Variants in EPHA6 observed in about 807,000 individuals in gnomAD.
The protein encoded by EPHA6 is EPH receptor A6.
A neutral mutation model predicts 112.0 loss-of-function variants in EPHA6; 50 were observed. The observed-to-expected ratio is 0.45, with a 90% CI of 0.36 to 0.56. The LOEUF (loss-of-function observed/expected upper bound fraction) is 0.56, where lower values mean the gene tolerates loss of function less well. EPHA6 is among the 20% of genes least tolerant of loss of function. EPHA6 has a pLI of 0.00. For synonymous variants in EPHA6, 529 were observed against 490.7 expected, an observed-to-expected ratio of 1.08 and a Z score of -1.03; for missense variants, 1,280 against 1,417.4, an observed-to-expected ratio of 0.90 and a Z score of 1.56.
intron 4 of EPHA6, among the ~76,000 whole-genome samples, chr3:97,243,389 C>T (rs1445409217): frequency 3.3e-5 from 5 of 151,870 alleles, no homozygotes; most frequent in South Asian, 4.1e-4. Context: ...ATTTTCATTT[C>T]GTTTTTCCTT....
intron 2 of EPHA6, among the ~76,000 whole-genome samples, chr3:96,867,306 T>C (rs1576184814): frequency 6.6e-6 from 1 of 151,914 alleles, no homozygotes; most frequent in South Asian, 2.1e-4. Flanking sequence ...TAATACAGAA[T>C]ACAAGTCTAC....
intron 6 of EPHA6, among the ~76,000 whole-genome samples, chr3:97,441,124 A>G (rs1447462836): frequency 2.6e-5 from 4 of 152,026 alleles, no homozygotes; most frequent in Non-Finnish European, 4.4e-5. Context: ...TTCTCTAAAT[A>G]TAGTATAACC....
intron 2 of EPHA6, among the ~76,000 whole-genome samples, chr3:96,877,019 T>A (rs1172392429): frequency 1.3e-5 from 2 of 152,114 alleles, no homozygotes; most frequent in Non-Finnish European, 2.9e-5. Flanking sequence ...GTCAGGTAGA[T>A]GGCATAGTAA....
intron 8 of EPHA6, among the ~76,000 whole-genome samples, chr3:97,478,730 T>A (rs1294645562): frequency 6.6e-6 from 1 of 152,110 alleles, no homozygotes; most frequent in Non-Finnish European, 1.5e-5. Context: ...ATTGAAAGAC[T>A]GAATTATGTA....
rs1470721106 is a variant in EPHA6, at chr3:97,226,258, T to G, written c.1115-6T>G. 3 of 1,590,966 alleles carry G rather than the reference T, an allele frequency of 1.9e-6. No homozygotes were observed. Among genetic ancestry groups the G allele is most frequent in the Admixed American group, 3.7e-5 (2 of 54,778 alleles). On this transcript the variant is annotated splice_region_variant and splice_polypyrimidine_tract_variant and intron_variant, in intron 3 of 17. Transcript: ENST00000389672. ...ACTAAAAAAGTGTTTTTTTCTCTTT[T>G]TACAGCTTGCAGACCAGGATTCTAT...
intron 5 of EPHA6, among the ~76,000 whole-genome samples, chr3:97,355,749 G>T (rs1381016188): frequency 1.3e-5 from 2 of 152,030 alleles, no homozygotes; most frequent in African/African-American, 4.8e-5. Flanking sequence ...TGAATGAATG[G>T]ATTAAAAATA....
At chr3:97,021,182 T>G (rs1200274376) in intron 3 of EPHA6, among the ~76,000 whole-genome samples, 1 of 152,222 alleles carries the variant, frequency 6.6e-6, no homozygotes, top group Non-Finnish European at 1.5e-5. Flanking sequence ...AGGTTAAACT[T>G]GGACTGTATA....
chr3:97,153,273 G>T (rs910681340), intron 3 of EPHA6, among the ~76,000 whole-genome samples: 1 of 151,864 alleles, frequency 6.6e-6, no homozygotes, highest in East Asian at 1.9e-4. Context: ...CAAAGTGCTT[G>T]AGAAGCATTA....
chr3:96,882,953 A>G (rs545549423), intron 2 of EPHA6, among the ~76,000 whole-genome samples: 8 of 152,264 alleles, frequency 5.3e-5, no homozygotes, highest in African/African-American at 1.7e-4. Flanking sequence ...CAGTAGTGGG[A>G]TTGCTGGATC....
chr3:96,996,836 C>T (rs2043442276), intron 3 of EPHA6, among the ~76,000 whole-genome samples: 1 of 152,054 alleles, frequency 6.6e-6, no homozygotes, highest in African/African-American at 2.4e-5. Context: ...TCACAAGCTG[C>T]ATTAGGTCCT....
At chr3:97,506,281 G>A (rs575726270) in intron 10 of EPHA6, among the ~76,000 whole-genome samples, 1 of 152,154 alleles carries the variant, frequency 6.6e-6, no homozygotes, top group Non-Finnish European at 1.5e-5. Context: ...GAATGGTATT[G>A]CCTAGGTTTT....
chr3:96,953,061 A>G (rs1559619298), intron 2 of EPHA6, among the ~76,000 whole-genome samples: 1 of 152,160 alleles, frequency 6.6e-6, no homozygotes, highest in Non-Finnish European at 1.5e-5. Context: ...AAATAACCAA[A>G]AAAGAACAAT....
chr3:97,615,924 C>A (rs778875907), intron 13 of EPHA6, among the ~76,000 whole-genome samples: 19 of 152,162 alleles, frequency 1.2e-4, no homozygotes, highest in Non-Finnish European at 2.5e-4. Context: ...CCAAGCTGAC[C>A]AGGAGCAGAA....
intron 1 of EPHA6, among the ~76,000 whole-genome samples, chr3:96,865,125 C>T (rs183918278): frequency 1.3e-5 from 2 of 151,852 alleles, no homozygotes; most frequent in Non-Finnish European, 2.9e-5. Flanking sequence ...GAAAATTTCT[C>T]ACAATAAAAA....
intron 3 of EPHA6, among the ~76,000 whole-genome samples, chr3:97,146,600 C>T (rs1339713439): frequency 2.0e-5 from 3 of 151,982 alleles, no homozygotes; most frequent in Non-Finnish European, 4.4e-5. Flanking sequence ...AGGTAACTCA[C>T]ACCAATAGCT....
At chr3:97,213,997 CTGTGTG>C (rs10557927) in intron 3 of EPHA6, among the ~76,000 whole-genome samples, 3,237 of 128,868 alleles carry the variant, frequency 0.025, 46 homozygotes, top group Middle Eastern at 0.041. Flanking sequence ...CTCATGTGTT[CTGTGTG>C]TGTGTGTGTG....
intron 2 of EPHA6, among the ~76,000 whole-genome samples, chr3:96,895,818 G>A (rs1301081942): frequency 6.6e-6 from 1 of 152,106 alleles, no homozygotes; most frequent in Non-Finnish European, 1.5e-5. Flanking sequence ...ATCTTTACAT[G>A]TCCATCTTTC....
chr3:96,857,925 G>A (rs571858667), intron 1 of EPHA6, among the ~76,000 whole-genome samples: 1 of 152,226 alleles, frequency 6.6e-6, no homozygotes, highest in South Asian at 2.1e-4. Context: ...GCAGGTGACT[G>A]TGAAATCTGA....
intron 5 of EPHA6, among the ~76,000 whole-genome samples, chr3:97,326,749 C>T (rs2082445920): frequency 6.6e-6 from 1 of 151,990 alleles, no homozygotes; most frequent in South Asian, 2.1e-4. Flanking sequence ...CAAAATGATT[C>T]TAAACAAAAT....
Sources: gnomAD v4.1 joint callset for allele counts (sites outside exome capture counted in the v4.1 genomes callset) on GRCh38, gnomAD v4.1.1 for gene constraint, MANE v1.5 for transcripts, NCBI Gene and HGNC (gene_info 2026-07-23, HGNC 2026-07-21) for gene names.